NUP98: variants seen among roughly 807,000 people sequenced by gnomAD.
NUP98 encodes nucleoporin 98 and 96 precursor, also known as nuclear pore complex protein Nup98-Nup96.
NUP98 carries 26 observed loss-of-function variants against 191.9 expected under a neutral mutation model. The ratio of observed to expected loss-of-function variants is 0.14; its 90% CI spans 0.10 to 0.19. NUP98 has a LOEUF of 0.19. Among genes scored for constraint, NUP98 ranks in the 10% least tolerant of loss-of-function variants. The pLI is 1.00. For synonymous variants in NUP98, 808 were observed against 778.4 expected, an observed-to-expected ratio of 1.04 and a Z score of -0.63; for missense variants, 1,941 against 2,178.8, an observed-to-expected ratio of 0.89 and a Z score of 2.17.
intron 14 of NUP98, among the ~76,000 whole-genome samples, chr11:3,727,323 G>A (rs1289165694): frequency 6.6e-6 from 1 of 152,010 alleles, no homozygotes; most frequent in Admixed American, 6.6e-5. Flanking sequence ...AAAAAACCCA[G>A]GTGAGGGTGG....
intron 29 of NUP98, 124 bp downstream of exon 29, chr11:3,685,849 C>A: frequency 1.4e-6 from 1 of 732,116 alleles, no homozygotes; most frequent in South Asian, 1.7e-5. Flanking sequence ...AGGTTTATCA[C>A]AACGCTGGAT....
Position 3,699,372 on chromosome 11 carries a change from T to C in NUP98, c.3743-24A>G, listed in dbSNP as rs184837636. ...AACTAAGGCAGGAAGAGAAAAACAATGTTACGAGACAAAGTCTTACAACAA... is the reference window on the plus strand; with the variant it reads ...AACTAAGGCAGGAAGAGAAAAACAACGTTACGAGACAAAGTCTTACAACAA... On this transcript the variant is annotated intron_variant, in intron 24 of 32. Transcript: ENST00000324932. The C allele has an allele frequency of 1.3e-4, 205 of 1,609,444 alleles. 2 individuals carry two copies. In the East Asian group the frequency reaches 2.3e-3, roughly 18 times the overall value.
chr11:3,792,133 C>T (rs12273346), intron 1 of NUP98, among the ~76,000 whole-genome samples: 24,360 of 127,678 alleles, frequency 0.19, 2,265 homozygotes, highest in Middle Eastern at 0.23. Flanking sequence ...AAGCCGAGAT[C>T]GTGCCACTGC....
Position 3,695,208 on chromosome 11 carries a change from T to C in NUP98, c.4167+241A>G, listed in dbSNP as rs146563080. ...CTAGAATATTTCTGTGAAGATAAAATTATTTATATTGTTTACCACTATATG... is the reference window on the plus strand; with the variant it reads ...CTAGAATATTTCTGTGAAGATAAAACTATTTATATTGTTTACCACTATATG... On this transcript the variant is annotated intron_variant, in intron 26 of 32. Transcript: ENST00000324932. Among the ~76,000 whole-genome samples the C allele has an allele frequency of 7.7e-3, 1,174 of 152,340 alleles. 20 individuals carry two copies. The highest frequency in any genetic ancestry group is 0.027 in the Middle Eastern group (8 of 294).
chr11:3,746,516 T>C (rs1564877609), intron 11 of NUP98, among the ~76,000 whole-genome samples: 1 of 151,918 alleles, frequency 6.6e-6, no homozygotes, highest in East Asian at 1.9e-4. Flanking sequence ...AATTCTACTC[T>C]AAATGTGTAT....
intron 1 of NUP98, among the ~76,000 whole-genome samples, chr11:3,793,097 C>T (rs901642506): frequency 6.6e-6 from 1 of 152,072 alleles, no homozygotes; most frequent in African/African-American, 2.4e-5. Context: ...GGCGACAGAG[C>T]ACGACTCCGT....
intron 20 of NUP98, among the ~76,000 whole-genome samples, chr11:3,709,967 G>A (rs2078984289): frequency 8.7e-6 from 1 of 114,406 alleles, no homozygotes; most frequent in Non-Finnish European, 1.8e-5. Context: ...AAAACTTAAA[G>A]TACAATAATA....
In NUP98 at chr11:3,797,408, G is replaced by A. The variant is rs1428435644; in HGVS notation, c.-37C>T. ...TCGGGCTCCCGACTTACCGCGGTTC[G>A]GTGGGGAAGGGGAAGTGTCAGGAGT... On this transcript the variant is annotated 5_prime_UTR_variant, in exon 1 of 33. Coordinates refer to ENST00000324932, the MANE Select transcript of NUP98 (RefSeq NM_016320.5). 2.5e-6 allele frequency: 1 copy of A among 402,814 alleles called. No individual in the cohort carries two copies. Among genetic ancestry groups the A allele is most frequent in the Non-Finnish European group, 4.4e-6 (1 of 228,248 alleles). The allele number at this position is 402,814 out of a possible 1,614,324, so 25.0% of individuals were successfully genotyped here.
intron 23 of NUP98, 35 bp from the exon 24 acceptor site, chr11:3,700,874 A>G (rs2078655463): frequency 2.1e-6 from 3 of 1,434,240 alleles, no homozygotes; most frequent in Non-Finnish European, 2.9e-6. Flanking sequence ...ATAGAAAATG[A>G]ACCTAAGACA....
rs1020829220 is a variant in NUP98, at chr11:3,737,218, G to A, written c.1409-1894C>T. Reference sequence around the variant, plus strand: ...ATAAACATTTACAAATAAAGTTACTGCCAAAATATAATACAATAATCCACA... The same window carrying A: ...ATAAACATTTACAAATAAAGTTACTACCAAAATATAATACAATAATCCACA... On this transcript the variant is annotated intron_variant, in intron 12 of 32. Coordinates refer to ENST00000324932, the MANE Select transcript of NUP98 (RefSeq NM_016320.5). Among the ~76,000 whole-genome samples the A allele has an allele frequency of 2.0e-5, 3 of 150,968 alleles. No homozygotes were observed. In the South Asian group the frequency reaches 6.2e-4, roughly 31 times the overall value.
At chr11:3,792,213 G>C (rs1170353407) in intron 1 of NUP98, among the ~76,000 whole-genome samples, 2 of 127,302 alleles carry the variant, frequency 1.6e-5, no homozygotes, top group African/African-American at 5.7e-5. Flanking sequence ...AAAAAAACAT[G>C]TATTCACCAC....
intron 1 of NUP98, among the ~76,000 whole-genome samples, chr11:3,784,552 G>T (rs977927355): frequency 6.3e-5 from 9 of 142,528 alleles, no homozygotes; most frequent in African/African-American, 2.1e-4. Flanking sequence ...GACAAGCTTG[G>T]ACAACACAGC....
intron 17 of NUP98, among the ~76,000 whole-genome samples, chr11:3,720,477 A>C (rs1484505134): frequency 6.6e-6 from 1 of 152,148 alleles, no homozygotes; most frequent in Non-Finnish European, 1.5e-5. Flanking sequence ...GAGATCTGCC[A>C]GGCAATGTAG....
At chr11:3,764,603 G>A (rs1441477525) in intron 8 of NUP98, among the ~76,000 whole-genome samples, 3 of 152,078 alleles carry the variant, frequency 2.0e-5, no homozygotes, top group African/African-American at 4.8e-5. Context: ...TGTTTTTGTT[G>A]AGTCTCACAC....
intron 6 of NUP98, among the ~76,000 whole-genome samples, chr11:3,772,592 C>T (rs1001367937): frequency 3.3e-5 from 5 of 151,362 alleles, no homozygotes; most frequent in South Asian, 2.1e-4. Context: ...CTGAGGTGGA[C>T]GGATCACAAG....
chr11:3,794,068 C>T (rs1000218950), intron 1 of NUP98, among the ~76,000 whole-genome samples: 7 of 152,142 alleles, frequency 4.6e-5, no homozygotes, highest in Admixed American at 4.6e-4. Context: ...CATTCCTGAT[C>T]GTTACAACCT....
intron 26 of NUP98, among the ~76,000 whole-genome samples, chr11:3,694,793 A>C (rs2134073342): frequency 6.6e-6 from 1 of 152,182 alleles, no homozygotes; most frequent in South Asian, 2.1e-4. Context: ...TCATGCCTGT[A>C]ATCTCAACAC....
At chr11:3,735,384 T>C (rs1199588447) in intron 12 of NUP98, 60 bp from the exon 13 acceptor site, 3 of 965,844 alleles carry the variant, frequency 3.1e-6, no homozygotes, top group African/African-American at 3.4e-5. Context: ...AAGGATACAA[T>C]GCATTTGTAA....
At chr11:3,790,288 C>T (rs1564936332) in intron 1 of NUP98, among the ~76,000 whole-genome samples, 1 of 152,056 alleles carries the variant, frequency 6.6e-6, no homozygotes, top group Admixed American at 6.6e-5. Flanking sequence ...CCATGAAACC[C>T]GACATATAAA....
Sources: gnomAD v4.1 joint callset for allele counts (sites outside exome capture counted in the v4.1 genomes callset) on GRCh38, gnomAD v4.1.1 for gene constraint, MANE v1.5 for transcripts, NCBI Gene and HGNC (gene_info 2026-07-23, HGNC 2026-07-21) for gene names.